SYK: variants seen among roughly 807,000 people sequenced by gnomAD.
The protein encoded by SYK is spleen associated tyrosine kinase.
Under a neutral mutation model 77.8 loss-of-function variants are expected in SYK, and 16 were observed. That is an observed-to-expected ratio of 0.21 (90% confidence interval 0.14 to 0.31). The LOEUF (loss-of-function observed/expected upper bound fraction) is 0.31, where lower values mean the gene tolerates loss of function less well. Among genes scored for constraint, SYK ranks in the 10% least tolerant of loss-of-function variants. The pLI is 1.00. For missense variants in SYK, 529 were observed against 814.4 expected (o/e 0.65, Z 4.26); for synonymous variants, 312 against 308.7 (o/e 1.01, Z -0.11).
intron 1 of SYK, among the ~76,000 whole-genome samples, chr9:90,836,346 G>A (rs1016559176): frequency 6.6e-6 from 1 of 151,360 alleles, no homozygotes; most frequent in Non-Finnish European, 1.5e-5. Context: ...CAAAATATAT[G>A]TAGTCTATTT....
rs371046011 is a variant in SYK at position 90,827,092 on chromosome 9, A to T, written c.-41-16766A>T. ...TACATGTTATGATGTAGGACTTTTT[A>T]AAAAAACATAAAACAATCAGGAAAA... On this transcript the variant is annotated intron_variant, in intron 1 of 13. Coordinates refer to ENST00000375754, the MANE Select transcript of SYK (RefSeq NM_003177.7). Among the ~76,000 whole-genome samples, 88 of 152,070 alleles carry T rather than the reference A, an allele frequency of 5.8e-4. 1 individual carries two copies. The highest frequency in any genetic ancestry group is 1.9e-3 in the African/African-American group (78 of 41,434).
chr9:90,861,251 G>A (rs1318729385), intron 3 of SYK, among the ~76,000 whole-genome samples: 2 of 152,284 alleles, frequency 1.3e-5, no homozygotes, highest in East Asian at 3.9e-4. Context: ...ATGCACTGCA[G>A]TGGGGGTGTT....
At chr9:90,817,905 G>C (rs1825353894) in intron 1 of SYK, among the ~76,000 whole-genome samples, 1 of 151,972 alleles carries the variant, frequency 6.6e-6, no homozygotes, top group South Asian at 2.1e-4. Flanking sequence ...GAGAGAGAGA[G>C]AGAGGGTGAA....
At chr9:90,889,971 C>T (rs1048660557) in intron 13 of SYK, among the ~76,000 whole-genome samples, 1 of 152,204 alleles carries the variant, frequency 6.6e-6, no homozygotes, top group Non-Finnish European at 1.5e-5. Context: ...CCTGCAGCTC[C>T]CTTTGCAAGG....
chr9:90,868,074 A>T (rs1028462175), intron 7 of SYK, among the ~76,000 whole-genome samples: 5 of 152,230 alleles, frequency 3.3e-5, no homozygotes, highest in African/African-American at 1.2e-4. Flanking sequence ...GAAACAACAG[A>T]AATAAAAGAC....
At chr9:90,869,438 G>A (rs1258727765) in intron 7 of SYK, among the ~76,000 whole-genome samples, 1 of 152,114 alleles carries the variant, frequency 6.6e-6, no homozygotes, top group African/African-American at 2.4e-5. Flanking sequence ...AGGTTGTAAG[G>A]TTTAAGCTAT....
intron 7 of SYK, among the ~76,000 whole-genome samples, chr9:90,873,693 G>T (rs10512202): frequency 1.3e-3 from 197 of 152,252 alleles, no homozygotes; most frequent in Middle Eastern, 6.8e-3. Context: ...CATCTCCACC[G>T]AAGATAAAGA....
At chr9:90,861,882 C>A (rs967556829) in intron 3 of SYK, among the ~76,000 whole-genome samples, 7 of 152,236 alleles carry the variant, frequency 4.6e-5, no homozygotes, top group African/African-American at 7.2e-5. Flanking sequence ...AGCGTCACTG[C>A]TACTGAGCAC....
intron 4 of SYK, among the ~76,000 whole-genome samples, chr9:90,864,294 GATAA>G (rs765478447): frequency 6.6e-6 from 1 of 152,102 alleles, no homozygotes; most frequent in Non-Finnish European, 1.5e-5. Context: ...TGTTGTTTTG[GATAA>G]ATAAATAAAT....
intron 1 of SYK, among the ~76,000 whole-genome samples, chr9:90,828,633 C>T (rs1825766641): frequency 6.6e-6 from 1 of 152,170 alleles, no homozygotes; most frequent in African/African-American, 2.4e-5. Flanking sequence ...TTGGTTGCAA[C>T]CCAGTGTTCT....
chr9:90,881,613 G>A (rs1426545911), intron 11 of SYK, among the ~76,000 whole-genome samples: 1 of 144,184 alleles, frequency 6.9e-6, no homozygotes, highest in Non-Finnish European at 1.5e-5. Context: ...CCGGGAGGTG[G>A]AGGTTGCAGT....
intron 1 of SYK, among the ~76,000 whole-genome samples, chr9:90,815,127 A>G (rs1410170857): frequency 2.0e-5 from 3 of 152,170 alleles, no homozygotes; most frequent in Non-Finnish European, 4.4e-5. Context: ...TTTCCTTGAA[A>G]CATTTGGAAC....
chr9:90,834,492 T>A (rs1826002470), intron 1 of SYK, among the ~76,000 whole-genome samples: 1 of 152,238 alleles, frequency 6.6e-6, no homozygotes, highest in Admixed American at 6.5e-5. Context: ...CTCACCTCTG[T>A]GTCCCTGGGT....
chr9:90,888,673 C>G, intron 13 of SYK, 46 bp downstream of exon 13: 1 of 1,391,478 alleles, frequency 7.2e-7, no homozygotes, highest in Non-Finnish European at 9.8e-7. Flanking sequence ...GCTCTGGAAA[C>G]AGGTGAAATG....
chr9:90,847,457 C>A (rs1402337617), intron 3 of SYK, among the ~76,000 whole-genome samples: 1 of 152,018 alleles, frequency 6.6e-6, no homozygotes, highest in Admixed American at 6.5e-5. Context: ...TTGCAGTTGT[C>A]CAGTTATCAC....
chr9:90,861,380 A>C (rs1174245975), intron 3 of SYK, among the ~76,000 whole-genome samples: 1 of 152,230 alleles, frequency 6.6e-6, no homozygotes, highest in African/African-American at 2.4e-5. Context: ...CAGCACGGCC[A>C]GCACAGCTCT....
chr9:90,878,361 C>T (rs1828023592), intron 10 of SYK, among the ~76,000 whole-genome samples: 1 of 152,112 alleles, frequency 6.6e-6, no homozygotes, highest in Non-Finnish European at 1.5e-5. Flanking sequence ...TACGTTTGTA[C>T]TTAGATTGTC....
chr9:90,845,494 A>G lies in SYK; in HGVS notation c.478A>G (p.Thr160Ala). Residue 160 changes from threonine (T) to alanine (A), a missense_variant, in exon 3 of 14, where the codon ACC becomes GCC. Around this residue, in one of 2 missense-constraint regions of SYK, gnomAD observed 321 missense variants for 433.1 expected, o/e 0.74. Transcript: ENST00000375754. ...QKPQLEKLIA[T>A]TAHEKMPWFH... ...GCCTCAGCTGGAGAAGCTGATCGCT[A>G]CCACAGCCCATGAAAAAATGCCTTG... 6.2e-7 allele frequency: 1 copy of G among 1,614,216 alleles called. No individual in the cohort carries two copies. Among genetic ancestry groups the G allele is most frequent in the Non-Finnish European group, 8.5e-7 (1 of 1,180,042 alleles).
At chr9:90,855,750 G>A (rs1827015378) in intron 3 of SYK, among the ~76,000 whole-genome samples, 1 of 151,884 alleles carries the variant, frequency 6.6e-6, no homozygotes, top group African/African-American at 2.4e-5. Flanking sequence ...ACCATCTGGA[G>A]GGCTGGCAAA....
Sources: gnomAD v4.1 joint callset for allele counts (sites outside exome capture counted in the v4.1 genomes callset) on GRCh38, gnomAD v4.1.1 for gene constraint, gnomAD v4.1.1 regional missense constraint, MANE v1.5 for transcripts, NCBI Gene and HGNC (gene_info 2026-07-23, HGNC 2026-07-21) for gene names.